The following SLC2A13 variants were observed in gnomAD, a reference collection of about 807,000 sequenced individuals.
SLC2A13 encodes the protein solute carrier family 2 member 13.
A neutral mutation model predicts 64.4 loss-of-function variants in SLC2A13; 32 were observed. The observed-to-expected ratio is 0.50, with a 90% CI of 0.37 to 0.67. The LOEUF is 0.67. Ranked by LOEUF, SLC2A13 falls within the 30% of genes least tolerant of loss-of-function variation. The pLI is 0.00. For synonymous variants in SLC2A13, 338 were observed against 327.1 expected, an observed-to-expected ratio of 1.03 and a Z score of -0.36; for missense variants, 743 against 829.2, an observed-to-expected ratio of 0.90 and a Z score of 1.28.
intron 4 of SLC2A13, among the ~76,000 whole-genome samples, chr12:39,947,084 T>G (rs1946148900): frequency 6.6e-6 from 1 of 152,026 alleles, no homozygotes; most frequent in South Asian, 2.1e-4. Flanking sequence ...TTGACTCAGC[T>G]CTCTAACTTG....
intron 4 of SLC2A13, among the ~76,000 whole-genome samples, chr12:39,924,760 A>C (rs1945687599): frequency 6.6e-6 from 1 of 152,152 alleles, no homozygotes; most frequent in Non-Finnish European, 1.5e-5. Context: ...TAGAGAAAAA[A>C]GTTTGGCAAT....
At chr12:39,945,727 A>G (rs1301597543) in intron 4 of SLC2A13, among the ~76,000 whole-genome samples, 1 of 152,072 alleles carries the variant, frequency 6.6e-6, no homozygotes, top group Non-Finnish European at 1.5e-5. Flanking sequence ...TAAGCTATCT[A>G]TTCCCATGAA....
In SLC2A13 at chr12:39,759,952, G is replaced by T; in HGVS notation, c.*74C>A. ...GTGGAAAGAACCAGATTAGAAGCAG[G>T]GCAGTGAAGTCACCAATTGCTGTTC... On this transcript the variant is annotated 3_prime_UTR_variant, in exon 10 of 10. Coordinates refer to ENST00000280871, the MANE Select transcript of SLC2A13 (RefSeq NM_052885.4). 9.2e-7 allele frequency: 1 copy of T among 1,084,678 alleles called. No homozygotes were observed. Among genetic ancestry groups the T allele is most frequent in the East Asian group, 2.4e-5 (1 of 41,384 alleles). 67.2% of individuals were successfully genotyped at this position (1,084,678 alleles called of 1,614,324 possible).
At chr12:39,971,353 G>C (rs974898949) in intron 3 of SLC2A13, among the ~76,000 whole-genome samples, 20 of 152,016 alleles carry the variant, frequency 1.3e-4, no homozygotes, top group African/African-American at 4.6e-4. Flanking sequence ...AATATAATTT[G>C]GTTTTTAAAA....
At chr12:39,997,634 T>A (rs540268387) in intron 3 of SLC2A13, among the ~76,000 whole-genome samples, 1 of 152,092 alleles carries the variant, frequency 6.6e-6, no homozygotes, top group South Asian at 2.1e-4. Flanking sequence ...ATCGAGACCA[T>A]CCTGGCTAAC....
chr12:40,056,014 A>C (rs1948328581), intron 1 of SLC2A13, among the ~76,000 whole-genome samples: 1 of 150,220 alleles, frequency 6.7e-6, no homozygotes, highest in South Asian at 2.1e-4. Flanking sequence ...AACAAACAAC[A>C]AAAAAAAACA....
chr12:40,024,199 G>C (rs545436363), intron 3 of SLC2A13, among the ~76,000 whole-genome samples: 44 of 152,266 alleles, frequency 2.9e-4, no homozygotes, highest in Admixed American at 2.7e-3. Flanking sequence ...ACCACAAAAT[G>C]ATGGAAATCA....
At chr12:40,018,344 C>T (rs1424202580) in intron 3 of SLC2A13, among the ~76,000 whole-genome samples, 1 of 152,164 alleles carries the variant, frequency 6.6e-6, no homozygotes, top group African/African-American at 2.4e-5. Context: ...TTGACAACCC[C>T]TAGGATAATG....
chr12:39,888,324 A>C (rs1017651842), intron 4 of SLC2A13, among the ~76,000 whole-genome samples: 6 of 152,216 alleles, frequency 3.9e-5, no homozygotes, highest in African/African-American at 1.4e-4. Context: ...TCCCAGGTTC[A>C]AGCAATTCTC....
chr12:39,955,965 A>G (rs1946308117), intron 3 of SLC2A13, among the ~76,000 whole-genome samples: 1 of 152,202 alleles, frequency 6.6e-6, no homozygotes, highest in Non-Finnish European at 1.5e-5. Context: ...AATTTGTAGT[A>G]ATCTATTATA....
chr12:39,962,218 G>A (rs2136115903), intron 3 of SLC2A13, among the ~76,000 whole-genome samples: 1 of 152,338 alleles, frequency 6.6e-6, no homozygotes, highest in East Asian at 1.9e-4. Context: ...AGCCTCCTGA[G>A]TAGCTGGGAT....
chr12:39,912,087 C>T (rs1945441870), intron 4 of SLC2A13, among the ~76,000 whole-genome samples: 1 of 151,998 alleles, frequency 6.6e-6, no homozygotes, highest in African/African-American at 2.4e-5. Context: ...ATCCTCAGCT[C>T]CTCCACTCAG....
At chr12:39,950,604 C>T (rs1946210247) in intron 4 of SLC2A13, 1 of 152,188 alleles carries the variant, frequency 6.6e-6, no homozygotes, top group Non-Finnish European at 1.5e-5. Context: ...TTAGTTACTG[C>T]TGTAGGTCTA....
intron 7 of SLC2A13, among the ~76,000 whole-genome samples, chr12:39,821,867 C>A (rs1942521468): frequency 6.6e-6 from 1 of 151,874 alleles, no homozygotes; most frequent in Admixed American, 6.6e-5. Flanking sequence ...ATCGATCACA[C>A]GTGCCAAGAA....
chr12:40,047,994 T>C, intron 2 of SLC2A13, 57 bp downstream of exon 2: 1 of 1,493,250 alleles, frequency 6.7e-7, no homozygotes, highest in Admixed American at 2.2e-5. Flanking sequence ...TCTCAATTTT[T>C]CTCCCCTTCC....
chr12:39,784,543 T>A (rs547905985), intron 7 of SLC2A13, among the ~76,000 whole-genome samples: 1 of 152,182 alleles, frequency 6.6e-6, no homozygotes, highest in Non-Finnish European at 1.5e-5. Flanking sequence ...TGAAACTGGA[T>A]CCCTTCCTTA....
intron 4 of SLC2A13, among the ~76,000 whole-genome samples, chr12:39,946,977 T>A: frequency 6.6e-6 from 1 of 152,238 alleles, no homozygotes; most frequent in South Asian, 2.1e-4. Flanking sequence ...GATGGATCAC[T>A]GTGGTGCCAG....
chr12:40,019,529 T>G (rs1947678952), intron 3 of SLC2A13, among the ~76,000 whole-genome samples: 1 of 152,156 alleles, frequency 6.6e-6, no homozygotes, highest in South Asian at 2.1e-4. Context: ...ATTTTCCCAG[T>G]ACAACGTGGA....
intron 4 of SLC2A13, among the ~76,000 whole-genome samples, chr12:39,904,627 A>G (rs1945218580): frequency 6.6e-6 from 1 of 152,102 alleles, no homozygotes; most frequent in Non-Finnish European, 1.5e-5. Flanking sequence ...GATGAGTTTA[A>G]TGTCCTATCA....
Sources: allele counts gnomAD v4.1 joint callset (sites outside exome capture counted in the v4.1 genomes callset), GRCh38; gene constraint gnomAD v4.1.1; transcripts MANE v1.5; gene names NCBI Gene and HGNC (gene_info 2026-07-23, HGNC 2026-07-21).